ELFN2: variants seen among roughly 807,000 people sequenced by gnomAD.
ELFN2 encodes the protein protein phosphatase 1 regulatory subunit 29.
Under a neutral mutation model 45.5 loss-of-function variants are expected in ELFN2, and 17 were observed. The observed-to-expected ratio is 0.37, with a 90% confidence interval of 0.26 to 0.56. The LOEUF (loss-of-function observed/expected upper bound fraction) is 0.56, where lower values mean the gene tolerates loss of function less well. Ranked by LOEUF, ELFN2 falls within the 20% of genes least tolerant of loss-of-function variation. ELFN2 has a pLI of 0.77. For missense variants in ELFN2, 922 were observed against 1,183.2 expected, an observed-to-expected ratio of 0.78 and a Z score of 3.24; for synonymous variants, 550 against 551.5, an observed-to-expected ratio of 1.00 and a Z score of 0.04.
In ELFN2 at chr22:37,380,643, C is replaced by T. The variant is rs554036412; in HGVS notation, c.-462-4647G>A. Among the ~76,000 whole-genome samples the T allele has an allele frequency of 2.0e-5, 3 of 152,278 alleles. No homozygotes were observed. In the East Asian group the frequency reaches 5.8e-4, roughly 29 times the overall value. On this transcript the variant is annotated intron_variant, in intron 2 of 2. Coordinates refer to ENST00000402918, the MANE Select transcript of ELFN2 (RefSeq NM_052906.5). Reference sequence around the variant, plus strand: ...TCCCTGAGCCAGGCTGGCCAAGGCTCCCGGAGGTGTCATTGTCACCATCCG... The same window carrying T: ...TCCCTGAGCCAGGCTGGCCAAGGCTTCCGGAGGTGTCATTGTCACCATCCG...
At chr22:37,383,567 T>C (rs555069288) in intron 2 of ELFN2, among the ~76,000 whole-genome samples, 11 of 152,354 alleles carry the variant, frequency 7.2e-5, no homozygotes, top group African/African-American at 2.2e-4. Flanking sequence ...ACTGCATCTG[T>C]GTCACAGGGA....
chr22:37,345,539 G>T (rs1475237579), intron 1 of ELFN2, among the ~76,000 whole-genome samples: 27 of 139,706 alleles, frequency 1.9e-4, no homozygotes, highest in African/African-American at 7.1e-4. Context: ...TTTTGTTTTT[G>T]TTGTTGTCTT....
downstream of ELFN2, among the ~76,000 whole-genome samples, chr22:37,364,291 T>A (rs545796004): frequency 6.6e-6 from 1 of 152,164 alleles, no homozygotes; most frequent in Admixed American, 6.5e-5. Flanking sequence ...GAGGATTGCC[T>A]GGGATTCAGG....
intron 2 of ELFN2, among the ~76,000 whole-genome samples, chr22:37,412,492 G>A (rs1292770186): frequency 6.6e-6 from 1 of 151,886 alleles, no homozygotes; most frequent in African/African-American, 2.4e-5. Flanking sequence ...CTACCTGATT[G>A]CAGGACTCTG....
At chr22:37,348,591 C>T (rs954446235) in intron 1 of ELFN2, among the ~76,000 whole-genome samples, 2 of 150,484 alleles carry the variant, frequency 1.3e-5, no homozygotes, top group African/African-American at 4.8e-5. Flanking sequence ...CAGATCAGAC[C>T]TCGGGGCAGG....
In ELFN2 at chr22:37,375,501, G is replaced by A; in HGVS notation, c.34C>T (p.Leu12=). Residue 12 remains leucine (L), a synonymous_variant, in exon 3 of 3, where the codon CTG becomes TTG. Transcript: ENST00000402918. Reference sequence around the variant, plus strand: ...ACGGCACCCGGCCGGCACACGCACAGCAGCGCCGCCGCGCACAGCCCCAGG... The same window carrying A: ...ACGGCACCCGGCCGGCACACGCACAACAGCGCCGCCGCGCACAGCCCCAGG... ...LRLGLCAAAL[L]CVCRPGAVRA... is the part of the protein sequence containing the mutation. The A allele has an allele frequency of 2.5e-6, 4 of 1,578,144 alleles. No homozygotes were observed. The highest frequency in any genetic ancestry group is 3.4e-6 in the Non-Finnish European group (4 of 1,162,430).
intron 2 of ELFN2, among the ~76,000 whole-genome samples, chr22:37,402,345 T>C (rs1362071050): frequency 2.6e-5 from 4 of 152,314 alleles, no homozygotes; most frequent in African/African-American, 9.6e-5. Context: ...TGACACACAT[T>C]TGAGTTTTGA....
chr22:37,401,640 C>A (rs1276067077), intron 2 of ELFN2, among the ~76,000 whole-genome samples: 1 of 152,226 alleles, frequency 6.6e-6, no homozygotes, highest in East Asian at 1.9e-4. Flanking sequence ...ACCATCCCTG[C>A]ACAGGAGCTG....
intron 2 of ELFN2, among the ~76,000 whole-genome samples, chr22:37,398,192 G>A (rs958297018): frequency 1.3e-5 from 2 of 152,174 alleles, no homozygotes; most frequent in Non-Finnish European, 2.9e-5. Context: ...GGGCGGTGGA[G>A]CTAGCGCTCA....
At chr22:37,344,437 G>A (rs1930647409) in intron 1 of ELFN2, among the ~76,000 whole-genome samples, 1 of 151,740 alleles carries the variant, frequency 6.6e-6, no homozygotes, top group Non-Finnish European at 1.5e-5. Flanking sequence ...TCAGCGCCAG[G>A]TGGACAGGGC....
chr22:37,399,366 C>G (rs142740368), intron 2 of ELFN2, among the ~76,000 whole-genome samples: 52 of 152,286 alleles, frequency 3.4e-4, no homozygotes, highest in African/African-American at 1.2e-3. Flanking sequence ...TTTTCATGCC[C>G]AGGCCCATAC....
At chr22:37,349,654 G>T (rs1456578915) in intron 1 of ELFN2, among the ~76,000 whole-genome samples, 1 of 151,036 alleles carries the variant, frequency 6.6e-6, no homozygotes, top group East Asian at 1.9e-4. Flanking sequence ...TGGGGTGGGG[G>T]TGCAGGTGGG....
chr22:37,394,046 C>G (rs973473604), intron 2 of ELFN2, among the ~76,000 whole-genome samples: 4 of 152,242 alleles, frequency 2.6e-5, no homozygotes, highest in Non-Finnish European at 5.9e-5. Context: ...TGTCCACAGG[C>G]CCAGCTGCCA....
At chr22:37,422,262 T>G (rs1932814104) in intron 1 of ELFN2, among the ~76,000 whole-genome samples, 1 of 150,486 alleles carries the variant, frequency 6.6e-6, no homozygotes, top group South Asian at 2.1e-4. Context: ...AGGGGGCAGA[T>G]GGGAAGGGGG....
At chr22:37,357,894 C>G (rs115660247) in intron 1 of ELFN2, among the ~76,000 whole-genome samples, 3 of 152,132 alleles carry the variant, frequency 2.0e-5, no homozygotes, top group Admixed American at 6.5e-5. Context: ...GCAGCACGAG[C>G]GTGGCCACCC....
intron 1 of ELFN2, among the ~76,000 whole-genome samples, chr22:37,419,840 C>T (rs1932795504): frequency 6.6e-6 from 1 of 152,158 alleles, no homozygotes; most frequent in Non-Finnish European, 1.5e-5. Flanking sequence ...CCGGCACACA[C>T]ACCCCCTCGC....
In ELFN2 at chr22:37,377,486, A is replaced by T. The variant is rs149015887; in HGVS notation, c.-462-1490T>A. 4.7e-3 allele frequency among the ~76,000 whole-genome samples: 717 copies of T among 152,034 alleles called. 3 individuals carry two copies. Among genetic ancestry groups the T allele is most frequent in the African/African-American group, 0.016 (676 of 41,508 alleles). On this transcript the variant is annotated intron_variant, in intron 2 of 2. Transcript: ENST00000402918. ...AAGTCCAGGAAAGAGAAGAGTGCTT[A>T]AAAAAAAATTTAAACCTTTGCCATT...
rs376648337 is a variant in ELFN2 at position 37,373,508 on chromosome 22, C to T, written c.2027G>A (p.Arg676Gln). The T allele has an allele frequency of 1.2e-5, 18 of 1,556,282 alleles. No homozygotes were observed. The highest frequency in any genetic ancestry group is 9.5e-5 in the African/African-American group (7 of 73,720). Residue 676 changes from arginine (R) to glutamine (Q), a missense_variant, in exon 3 of 3, where the codon CGG becomes CAG. Physicochemically the swap from Arg to Gln is conservative, Grantham distance 43 (BLOSUM62 1). Coordinates refer to ENST00000402918, the MANE Select transcript of ELFN2 (RefSeq NM_052906.5). Reference protein sequence around the residue: ...KGSPLNSPLDRLPLVPAGSGG... With the variant: ...KGSPLNSPLDQLPLVPAGSGG... ...GCTGCCCGCCGGCACCAGCGGGAGC[C>T]GGTCCAGCGGGCTGTTGAGGGGGCT...
chr22:37,376,489 C>T (rs751843095), intron 2 of ELFN2, among the ~76,000 whole-genome samples: 22 of 152,218 alleles, frequency 1.4e-4, no homozygotes, highest in Non-Finnish European at 2.4e-4. Flanking sequence ...GCGGGCACCC[C>T]TGAATCCACA....
Sources: allele counts gnomAD v4.1 joint callset (sites outside exome capture counted in the v4.1 genomes callset), GRCh38; gene constraint gnomAD v4.1.1; transcripts MANE v1.5; gene names NCBI Gene and HGNC (gene_info 2026-07-23, HGNC 2026-07-21).